Variants in UACA observed in about 807,000 individuals in gnomAD.
UACA encodes nuclear membrane binding protein.
A neutral mutation model predicts 160.5 loss-of-function variants in UACA; 112 were observed. The observed-to-expected ratio is 0.70, with a 90% CI of 0.60 to 0.82. UACA has a LOEUF of 0.82. UACA is among the 40% of genes least tolerant of loss of function. The pLI is 0.00. For synonymous variants in UACA, 557 were observed against 568.4 expected (o/e 0.98, Z 0.29); for missense variants, 1,574 against 1,614.6 (o/e 0.97, Z 0.43).
At chr15:70,757,108 G>C (rs2030478425) in intron 1 of UACA, among the ~76,000 whole-genome samples, 1 of 152,034 alleles carries the variant, frequency 6.6e-6, no homozygotes, top group Non-Finnish European at 1.5e-5. Context: ...GTAATCCATA[G>C]GTTTCTCCTC....
In UACA at chr15:70,667,280, A is replaced by C. The variant is rs754814316; in HGVS notation, c.3404T>G (p.Leu1135Arg). The part of the protein sequence containing the change: ...NGTIENLKEE[L>R]KSMQRCYEKE... ...CTCGTAACACCTTTGCATACTCTTC[A>C]GTTCTTCCTTTAGATTTTCAATTGT... is the stretch of plus-strand genomic sequence containing the variant. The change falls in exon 16 of 19, where the codon CTG (leucine) becomes CGG (arginine). Residue 1135 changes from leucine (L) to arginine (R), a missense_variant. Transcript: ENST00000322954. The C allele has an allele frequency of 2.0e-5, 32 of 1,611,964 alleles. No individual in the cohort carries two copies. Among genetic ancestry groups the C allele is most frequent in the Non-Finnish European group, 2.5e-5 (30 of 1,179,592 alleles).
intron 1 of UACA, among the ~76,000 whole-genome samples, chr15:70,726,399 A>C (rs928780082): frequency 4.6e-5 from 7 of 152,178 alleles, no homozygotes; most frequent in South Asian, 2.1e-4. Flanking sequence ...AAAAAATGTA[A>C]ACAGCACTGA....
the UACA span, among the ~76,000 whole-genome samples, chr15:70,773,874 T>C: frequency 2.0e-5 from 3 of 152,176 alleles, no homozygotes; most frequent in African/African-American, 7.2e-5. Flanking sequence ...TGTGAAGAAT[T>C]TCTCAATTGG....
At chr15:70,710,204 A>G (rs1163292080) in intron 1 of UACA, among the ~76,000 whole-genome samples, 1 of 152,176 alleles carries the variant, frequency 6.6e-6, no homozygotes, top group Non-Finnish European at 1.5e-5. Context: ...GCAGTGAGCC[A>G]AGTTCGTGCC....
chr15:70,772,893 A>G, the UACA span, among the ~76,000 whole-genome samples: 1 of 152,138 alleles, frequency 6.6e-6, no homozygotes, highest in South Asian at 2.1e-4. Context: ...GTTTGAGACC[A>G]GCCTGGCCAA....
At chr15:70,705,038 A>G (rs1898484175) in intron 1 of UACA, among the ~76,000 whole-genome samples, 1 of 152,208 alleles carries the variant, frequency 6.6e-6, no homozygotes, top group South Asian at 2.1e-4. Context: ...TGGTTGAAGT[A>G]TGTGACTGCT....
intron 17 of UACA, among the ~76,000 whole-genome samples, chr15:70,664,450 C>G (rs558930813): frequency 5.3e-5 from 8 of 152,030 alleles, no homozygotes; most frequent in Non-Finnish European, 1.2e-4. Flanking sequence ...AGATAAAGTA[C>G]GTAAAATGTT....
intron 12 of UACA, 48 bp from the exon 13 acceptor site, chr15:70,676,639 T>A (rs376439005): frequency 6.7e-7 from 1 of 1,501,188 alleles, no homozygotes; most frequent in Non-Finnish European, 9.2e-7. Flanking sequence ...GTGCTTGGAA[T>A]TGGATTAAAA....
chr15:70,692,319 G>A (rs1257156991), intron 3 of UACA, among the ~76,000 whole-genome samples: 1 of 152,060 alleles, frequency 6.6e-6, no homozygotes, highest in Non-Finnish European at 1.5e-5. Flanking sequence ...GTGCCACCAT[G>A]TGCAGCTAAT....
intron 7 of UACA, among the ~76,000 whole-genome samples, chr15:70,685,465 C>T (rs890734651): frequency 1.3e-5 from 2 of 152,212 alleles, no homozygotes; most frequent in South Asian, 4.2e-4. Context: ...CCTTGTCCCC[C>T]AACTCCCCTG....
Position 70,718,250 on chromosome 15 carries a change from CG to C in UACA, c.79-18591del, listed in dbSNP as rs1051324298. On this transcript the variant is annotated intron_variant, in intron 1 of 18. Transcript: ENST00000322954. ...AAGGTGAGAGAGAGAGACAGAGGAA[CG>C]GGGGGGAGGGAGGGGGAGGAGGGGG... Among the ~76,000 whole-genome samples, 7 of 8,624 alleles carry C rather than the reference CG, an allele frequency of 8.1e-4. No homozygotes were observed. The East Asian group carries it at 0.017, about 21-fold the overall frequency. 5.7% of individuals were successfully genotyped at this position (8,624 alleles called of 152,430 possible).
chr15:70,754,409 G>A (rs539153087), intron 1 of UACA, among the ~76,000 whole-genome samples: 1 of 152,278 alleles, frequency 6.6e-6, no homozygotes, highest in Admixed American at 6.5e-5. Context: ...TTATAAAATA[G>A]GCTTTGTGTT....
At chr15:70,745,306 G>T (rs1296516035) in intron 1 of UACA, among the ~76,000 whole-genome samples, 1 of 151,978 alleles carries the variant, frequency 6.6e-6, no homozygotes, top group South Asian at 2.1e-4. Flanking sequence ...GTGGTGGTGG[G>T]CACCTGTAGT....
chr15:70,706,234 T>C (rs1898519898), intron 1 of UACA, among the ~76,000 whole-genome samples: 1 of 152,114 alleles, frequency 6.6e-6, no homozygotes, highest in Non-Finnish European at 1.5e-5. Context: ...CATCCTTTCA[T>C]GGTAAAAATA....
chr15:70,710,848 C>T (rs910976642), intron 1 of UACA, among the ~76,000 whole-genome samples: 1 of 152,212 alleles, frequency 6.6e-6, no homozygotes, highest in Admixed American at 6.5e-5. Flanking sequence ...CTCTCTGAAC[C>T]CTGTCCTTTT....
intron 1 of UACA, among the ~76,000 whole-genome samples, chr15:70,749,579 G>C (rs565442773): frequency 6.7e-6 from 1 of 150,284 alleles, no homozygotes; most frequent in Non-Finnish European, 1.5e-5. Flanking sequence ...GGCACCTGTA[G>C]TCCCAGCTAC....
intron 9 of UACA, chr15:70,681,406 G>T (rs1482154888): frequency 6.6e-6 from 1 of 152,018 alleles, no homozygotes; most frequent in African/African-American, 2.4e-5. Flanking sequence ...CGTATATTTA[G>T]TAAGTGTATT....
intron 1 of UACA, among the ~76,000 whole-genome samples, chr15:70,719,206 C>A (rs1374419200): frequency 6.6e-6 from 1 of 152,130 alleles, no homozygotes; most frequent in Admixed American, 6.6e-5. Flanking sequence ...AAAGAGAGAA[C>A]CTGAAATTCC....
chr15:70,764,212 G>GA (rs1265732374), upstream of UACA, among the ~76,000 whole-genome samples: 1 of 152,190 alleles, frequency 6.6e-6, no homozygotes, highest in Non-Finnish European at 1.5e-5. Flanking sequence ...CGGAATGGGG[G>GA]CGGGGAGGGA....
Sources: allele counts gnomAD v4.1 joint callset (sites outside exome capture counted in the v4.1 genomes callset), GRCh38; gene constraint gnomAD v4.1.1; transcripts MANE v1.5; gene names NCBI Gene and HGNC (gene_info 2026-07-23, HGNC 2026-07-21).